Variants in STAG1 observed in about 807,000 individuals in gnomAD.
STAG1 encodes the protein cohesin subunit SA-1.
A neutral mutation model predicts 170.9 loss-of-function variants in STAG1; 26 were observed. That is an observed-to-expected ratio of 0.15 (90% CI 0.11 to 0.21). STAG1 has a LOEUF of 0.21. Ranked by LOEUF, STAG1 falls within the 10% of genes least tolerant of loss-of-function variation. The pLI, the probability that STAG1 is intolerant of heterozygous loss-of-function variation, is 1.00. For synonymous variants in STAG1, 514 were observed against 497.7 expected (o/e 1.03, Z -0.44); for missense variants, 964 against 1,509.5 (o/e 0.64, Z 5.99).
chr3:136,472,342 G>T, intron 12 of STAG1, 71 bp downstream of exon 12: 1 of 1,055,512 alleles, frequency 9.5e-7, no homozygotes, highest in South Asian at 1.4e-5. Context: ...TATATAGATA[G>T]GACATTAAAA....
In STAG1 at chr3:136,624,539, A is replaced by AG. The variant is rs753562094; in HGVS notation, c.30-1292dup. On this transcript the variant is annotated intron_variant, in intron 2 of 33. Coordinates refer to ENST00000383202, the MANE Select transcript of STAG1 (RefSeq NM_005862.3). ...GACATTTGTTGAAACTTCATTCATT[A>AG]GTCAATGGTGTGAGCAACTTCTCTG... Among the ~76,000 whole-genome samples, 15 of 152,370 alleles carry AG rather than the reference A, an allele frequency of 9.8e-5. 1 individual carries two copies. In the East Asian group the frequency reaches 2.9e-3, roughly 29 times the overall value.
At chr3:136,700,409 TTAC>T (rs1168547559) in intron 1 of STAG1, among the ~76,000 whole-genome samples, 1 of 151,036 alleles carries the variant, frequency 6.6e-6, no homozygotes, top group African/African-American at 2.4e-5. Flanking sequence ...TACAACTAAA[TTAC>T]TTCTTCTTTT....
chr3:136,533,229 A>C (rs1255079905), intron 6 of STAG1, among the ~76,000 whole-genome samples: 1 of 152,184 alleles, frequency 6.6e-6, no homozygotes, highest in Non-Finnish European at 1.5e-5. Flanking sequence ...GGAAAACTAC[A>C]AAAGACTGAT....
chr3:136,464,421 C>T (rs2089389981), intron 13 of STAG1, among the ~76,000 whole-genome samples: 1 of 142,890 alleles, frequency 7.0e-6, no homozygotes, highest in African/African-American at 2.5e-5. Context: ...GAAACTCCGT[C>T]TCAAAAAAAA....
chr3:136,705,478 T>C (rs936379259), intron 1 of STAG1, among the ~76,000 whole-genome samples: 2 of 151,652 alleles, frequency 1.3e-5, no homozygotes, highest in African/African-American at 2.4e-5. Context: ...AGATCCTGAA[T>C]TGTAGCTCCC....
At chr3:136,460,875 C>T (rs922306467) in intron 13 of STAG1, among the ~76,000 whole-genome samples, 4 of 152,090 alleles carry the variant, frequency 2.6e-5, no homozygotes, top group African/African-American at 7.2e-5. Context: ...ATAACAACAA[C>T]AAAACAACAA....
At chr3:136,514,829 G>C (rs566532276) in intron 7 of STAG1, among the ~76,000 whole-genome samples, 1 of 151,956 alleles carries the variant, frequency 6.6e-6, no homozygotes, top group East Asian at 1.9e-4. Context: ...ACCAAACACC[G>C]CATGTTCTCA....
chr3:136,533,040 C>T (rs975033938), intron 6 of STAG1, among the ~76,000 whole-genome samples: 1 of 152,106 alleles, frequency 6.6e-6, no homozygotes, highest in African/African-American at 2.4e-5. Flanking sequence ...CCAAAAAATT[C>T]TTAGAGCTGA....
intron 28 of STAG1, among the ~76,000 whole-genome samples, chr3:136,357,190 C>T (rs559139232): frequency 5.5e-4 from 83 of 152,138 alleles, no homozygotes; most frequent in Non-Finnish European, 3.8e-4. Flanking sequence ...CCTTGTGATC[C>T]GCCCGTCTCG....
intron 1 of STAG1, among the ~76,000 whole-genome samples, chr3:136,681,915 T>C (rs1351170482): frequency 2.6e-5 from 4 of 152,090 alleles, no homozygotes; most frequent in African/African-American, 7.2e-5. Context: ...ACAGCTAATA[T>C]CATACTCAAT....
chr3:136,597,614 T>G (rs1028816832), intron 4 of STAG1, among the ~76,000 whole-genome samples: 1 of 152,240 alleles, frequency 6.6e-6, no homozygotes, highest in Non-Finnish European at 1.5e-5. Flanking sequence ...TTGTTCTAAT[T>G]GGTTATTAAT....
At chr3:136,433,311 T>C (rs925326475) in intron 16 of STAG1, among the ~76,000 whole-genome samples, 1 of 151,802 alleles carries the variant, frequency 6.6e-6, no homozygotes, top group Admixed American at 6.6e-5. Flanking sequence ...TTAAAATATA[T>C]ATATATATAA....
chr3:136,464,765 T>C (rs1367944689), intron 13 of STAG1, 116 bp downstream of exon 13: 5 of 759,568 alleles, frequency 6.6e-6, no homozygotes, highest in Non-Finnish European at 8.5e-6. Flanking sequence ...CCCTGGAGTA[T>C]CAGATGGACA....
chr3:136,471,782 T>C (rs775842268), intron 12 of STAG1, among the ~76,000 whole-genome samples: 5 of 152,188 alleles, frequency 3.3e-5, no homozygotes, highest in Non-Finnish European at 7.3e-5. Context: ...AAAAGAAGCC[T>C]ATTTGGGAAA....
intron 1 of STAG1, among the ~76,000 whole-genome samples, chr3:136,722,763 T>C (rs978925445): frequency 6.6e-6 from 1 of 151,618 alleles, no homozygotes; most frequent in Non-Finnish European, 1.5e-5. Context: ...ACTGTACTGC[T>C]GCCATCTCGG....
intron 23 of STAG1, among the ~76,000 whole-genome samples, chr3:136,373,340 C>G (rs1937450145): frequency 6.6e-6 from 1 of 152,074 alleles, no homozygotes; most frequent in Admixed American, 6.6e-5. Flanking sequence ...TTTTGTGTCT[C>G]TATTTCCTTC....
intron 1 of STAG1, among the ~76,000 whole-genome samples, chr3:136,669,284 TG>T (rs1201017149): frequency 1.3e-5 from 2 of 152,182 alleles, no homozygotes; most frequent in South Asian, 2.1e-4. Context: ...GTTACCCTAT[TG>T]GGTGGTGAAA....
At chr3:136,689,569 A>G (rs1428651988) in intron 1 of STAG1, among the ~76,000 whole-genome samples, 3 of 152,210 alleles carry the variant, frequency 2.0e-5, no homozygotes, top group African/African-American at 7.2e-5. Flanking sequence ...ACCAGTAGCC[A>G]TGATTTTTCT....
chr3:136,513,093 TG>T (rs527495164), intron 7 of STAG1, among the ~76,000 whole-genome samples: 1 of 150,930 alleles, frequency 6.6e-6, no homozygotes, highest in Non-Finnish European at 1.5e-5. Context: ...AGTGGCGGGG[TG>T]TAGGGCCTCC....
Sources: allele counts gnomAD v4.1 joint callset (sites outside exome capture counted in the v4.1 genomes callset), GRCh38; gene constraint gnomAD v4.1.1; transcripts MANE v1.5; gene names NCBI Gene and HGNC (gene_info 2026-07-23, HGNC 2026-07-21).